SSR1: variants seen among roughly 807,000 people sequenced by gnomAD.
SSR1 encodes signal sequence receptor subunit 1.
SSR1 carries 13 observed loss-of-function variants against 36.1 expected under a neutral mutation model. That is an observed-to-expected ratio of 0.36 (90% CI 0.23 to 0.57). The LOEUF is 0.57. Among genes scored for constraint, SSR1 ranks in the 20% least tolerant of loss-of-function variants. The probability of loss-of-function intolerance (pLI) is 0.81; values close to 1 mark genes in which losing one functional copy is unlikely to be tolerated. For synonymous variants in SSR1, 113 were observed against 118.9 expected (o/e 0.95, Z 0.32); for missense variants, 291 against 338.5 (o/e 0.86, Z 1.10).
At position 7,282,645 on chromosome 6, in the gene SSR1, A is replaced by T. The variant is rs1239068342; in HGVS notation, c.*7219T>A. ...GTATTTCTAGGCAGGGGGCTTCAGT[A>T]TAAACCAGATGTGTGCTAGCTGGGT... is the stretch of plus-strand genomic sequence containing the variant. On this transcript the variant is annotated 3_prime_UTR_variant, in exon 8 of 8. Coordinates refer to ENST00000244763, the MANE Select transcript of SSR1 (RefSeq NM_003144.5). 2 of 152,274 alleles carry T rather than the reference A, an allele frequency of 1.3e-5. No individual in the cohort carries two copies. Among genetic ancestry groups the T allele is most frequent in the Non-Finnish European group, 2.9e-5 (2 of 68,056 alleles). The allele number at this position is 152,274 out of a possible 1,614,324, so 9.4% of individuals were successfully genotyped here.
chr6:7,307,706 T>A (rs547995052), intron 2 of SSR1, among the ~76,000 whole-genome samples: 64 of 152,284 alleles, frequency 4.2e-4, no homozygotes, highest in Non-Finnish European at 8.2e-4. Context: ...CTAATTTTTT[T>A]AGTAGAGATG....
At chr6:7,310,959 A>G (rs1442239816) in intron 1 of SSR1, among the ~76,000 whole-genome samples, 1 of 152,194 alleles carries the variant, frequency 6.6e-6, no homozygotes, top group Non-Finnish European at 1.5e-5. Flanking sequence ...CTAATGTTCT[A>G]TGTAGGAAAC....
Position 7,303,560 on chromosome 6 carries a change from T to C in SSR1, c.270A>G (p.Val90=). 4 of 1,609,384 alleles carry C rather than the reference T, an allele frequency of 2.5e-6. No homozygotes were observed. Among genetic ancestry groups the C allele is most frequent in the Non-Finnish European group, 3.4e-6 (4 of 1,178,080 alleles). Residue 90 remains valine (V), a synonymous_variant, in exon 3 of 8, where the codon GTA becomes GTG. Transcript: ENST00000244763. ...SPSADTTILF[V]KGEDFPANNI... Reference sequence around the variant, plus strand: ...ATACTTCTGTATTACCTTCTCCTTTTACAAACAGTATAGTTGTATCTGCAC... The same window carrying C: ...ATACTTCTGTATTACCTTCTCCTTTCACAAACAGTATAGTTGTATCTGCAC...
At chr6:7,305,694 TA>T (rs2113296093) in intron 2 of SSR1, among the ~76,000 whole-genome samples, 1 of 152,296 alleles carries the variant, frequency 6.6e-6, no homozygotes, top group African/African-American at 2.4e-5. Context: ...GACAACTCAT[TA>T]TTAAGAAGAA....
chr6:7,297,994 T>G lies in SSR1; in HGVS notation c.628A>C (p.Met210Leu), dbSNP rs770686656. The G allele has an allele frequency of 3.1e-6, 5 of 1,612,676 alleles. No individual in the cohort carries two copies. The Admixed American group carries it at 5.0e-5, about 16-fold the overall frequency. ...CCAAGACCAGCAAGGAACATATACATAAAGATTCTGGTACAAAAGGAGAAA... is the reference window on the plus strand; with the variant it reads ...CCAAGACCAGCAAGGAACATATACAGAAAGATTCTGGTACAAAAGGAGAAA... The part of the protein sequence containing the change: ...EDGLDGETIF[M>L]YMFLAGLGLL... Residue 210 changes from methionine (M) to leucine (L), a missense_variant, in exon 6 of 8, where the codon ATG (methionine) becomes CTG (leucine). Met to Leu is a conservative substitution (Grantham distance 15). Coordinates refer to ENST00000244763, the MANE Select transcript of SSR1 (RefSeq NM_003144.5).
In SSR1 at chr6:7,313,160, C is replaced by A; in HGVS notation, c.-40G>T. 1 of 1,555,734 alleles carries A rather than the reference C, an allele frequency of 6.4e-7. No homozygotes were observed. Among genetic ancestry groups the A allele is most frequent in the Non-Finnish European group, 8.7e-7 (1 of 1,147,376 alleles). ...AGTGTCCAGTTTCCGTCGGCTAAGG[C>A]TCTCGGCGGCTCCGGCGGTAATGGC... is the stretch of plus-strand genomic sequence containing the variant. On this transcript the variant is annotated 5_prime_UTR_variant, in exon 1 of 8. Transcript: ENST00000244763.
chr6:7,309,131 TAA>T (rs1758131238), intron 2 of SSR1, among the ~76,000 whole-genome samples: 1 of 152,242 alleles, frequency 6.6e-6, no homozygotes, highest in Non-Finnish European at 1.5e-5. Flanking sequence ...AACAAACCTC[TAA>T]AAGTTGGGAT....
chr6:7,303,662 A>C (rs1033140777), intron 2 of SSR1, 25 bp from the exon 3 acceptor site: 5 of 1,520,454 alleles, frequency 3.3e-6, no homozygotes, highest in South Asian at 1.1e-5. Context: ...AATTAAGAGG[A>C]GATTACTATG....
intron 1 of SSR1, among the ~76,000 whole-genome samples, 195 bp from the exon 2 acceptor site, chr6:7,310,224 A>ATTTTTTTTTTTTTTTTTTTTTTTTTTT (rs10633004): frequency 7.2e-6 from 1 of 139,376 alleles, no homozygotes; most frequent in Non-Finnish European, 1.5e-5. Context: ...CTGCATATCA[A>ATTTTTTTTTTTTTTTTTTTTTTTTTTT]TTTTTTTTTT....
At chr6:7,292,719 C>A (rs1757709767) in intron 7 of SSR1, among the ~76,000 whole-genome samples, 1 of 133,556 alleles carries the variant, frequency 7.5e-6, no homozygotes, top group African/African-American at 2.6e-5. Flanking sequence ...TGTAATTCCT[C>A]TCCTTTAAAG....
intron 2 of SSR1, among the ~76,000 whole-genome samples, chr6:7,303,885 G>A (rs1374913835): frequency 1.3e-5 from 2 of 152,142 alleles, no homozygotes; most frequent in Non-Finnish European, 2.9e-5. Flanking sequence ...TACTCGGAAG[G>A]CTAAGGCAGG....
intron 6 of SSR1, among the ~76,000 whole-genome samples, chr6:7,295,793 G>A (rs1757782692): frequency 6.6e-6 from 1 of 152,174 alleles, no homozygotes; most frequent in South Asian, 2.1e-4. Context: ...AAGGGAAGGA[G>A]AAAATCATGT....
At chr6:7,298,418 T>C (rs1319298001) in intron 5 of SSR1, among the ~76,000 whole-genome samples, 1 of 152,244 alleles carries the variant, frequency 6.6e-6, no homozygotes. Context: ...TTCTAACTTA[T>C]GTTTTCAATA....
At position 7,282,737 on chromosome 6, in the gene SSR1, G is replaced by C. The variant is rs1489024214; in HGVS notation, c.*7127C>G. 2 of 152,260 alleles carry C rather than the reference G, an allele frequency of 1.3e-5. No homozygotes were observed. Among genetic ancestry groups the C allele is most frequent in the African/African-American group, 4.8e-5 (2 of 41,462 alleles). 9.4% of individuals were successfully genotyped at this position (152,260 alleles called of 1,614,324 possible). On this transcript the variant is annotated 3_prime_UTR_variant, in exon 8 of 8. Transcript: ENST00000244763. Reference sequence around the variant, plus strand: ...CTTTTGGCCACTGCTGTGTCTGCAGGCTCAGCCTCCTCTAGATCTGATTCC... The same window carrying C: ...CTTTTGGCCACTGCTGTGTCTGCAGCCTCAGCCTCCTCTAGATCTGATTCC...
intron 5 of SSR1, among the ~76,000 whole-genome samples, 200 bp from the exon 6 acceptor site, chr6:7,298,201 ACT>A (rs1220823073): frequency 6.6e-6 from 1 of 152,208 alleles, no homozygotes; most frequent in East Asian, 1.9e-4. Flanking sequence ...ATTAAAAAAA[ACT>A]CTATGATTGA....
At chr6:7,305,210 G>A (rs1032129164) in intron 2 of SSR1, among the ~76,000 whole-genome samples, 1 of 152,164 alleles carries the variant, frequency 6.6e-6, no homozygotes, top group Non-Finnish European at 1.5e-5. Context: ...TTGAATCACT[G>A]GAGCCATATC....
Position 7,281,604 on chromosome 6 carries a change from AT to A in SSR1, c.*8259del, listed in dbSNP as rs1757419943. ...TCTTCAATGTTCTCTGAGTTGTTAGATTTCAAAGTGAAGAGAACTGAAATCT... is the reference window on the plus strand; with the variant it reads ...TCTTCAATGTTCTCTGAGTTGTTAGATTCAAAGTGAAGAGAACTGAAATCT... On this transcript the variant is annotated 3_prime_UTR_variant, in exon 8 of 8. Transcript: ENST00000244763. 6.6e-6 allele frequency: 1 copy of A among 152,262 alleles called. No individual in the cohort carries two copies. Among genetic ancestry groups the A allele is most frequent in the Non-Finnish European group, 1.5e-5 (1 of 68,048 alleles). 9.4% of individuals were successfully genotyped at this position (152,262 alleles called of 1,614,324 possible).
intron 3 of SSR1, 85 bp from the exon 4 acceptor site, chr6:7,301,657 C>T (rs969653399): frequency 3.6e-6 from 5 of 1,389,076 alleles, no homozygotes; most frequent in East Asian, 4.7e-5. Flanking sequence ...TGGATTCTGG[C>T]ACCCTTTCCT....
At chr6:7,303,684 A>T (rs755820542) in intron 2 of SSR1, 47 bp from the exon 3 acceptor site, 69 of 1,430,452 alleles carry the variant, frequency 4.8e-5, no homozygotes, top group Non-Finnish European at 6.6e-5. Flanking sequence ...GAGAAAAAAA[A>T]ATCATTATTT....
Sources: gnomAD v4.1 joint callset for allele counts (sites outside exome capture counted in the v4.1 genomes callset) on GRCh38, gnomAD v4.1.1 for gene constraint, MANE v1.5 for transcripts, NCBI Gene and HGNC (gene_info 2026-07-23, HGNC 2026-07-21) for gene names.